Variants in ABLIM1 observed in about 807,000 individuals in gnomAD.
The protein encoded by ABLIM1 is actin binding LIM protein 1, also known as actin-binding LIM protein 1.
ABLIM1 carries 40 observed loss-of-function variants against 107.0 expected under a neutral mutation model. The ratio of observed to expected loss-of-function variants is 0.37; its 90% CI spans 0.29 to 0.49. The LOEUF (loss-of-function observed/expected upper bound fraction) is 0.49, where lower values mean the gene tolerates loss of function less well. Among genes scored for constraint, ABLIM1 ranks in the 20% least tolerant of loss-of-function variants. ABLIM1 has a pLI of 0.97. For missense variants in ABLIM1, 857 were observed against 1,008.5 expected (o/e 0.85, Z 2.04); for synonymous variants, 357 against 357.3 (o/e 1.00, Z 0.01).
intron 20 of ABLIM1, chr10:114,439,572 AT>A (rs1276009142): frequency 2.4e-6 from 1 of 422,466 alleles, no homozygotes; most frequent in Non-Finnish European, 4.3e-6. Flanking sequence ...TTTAATCATG[AT>A]TTTCTATGCA....
intron 2 of ABLIM1, among the ~76,000 whole-genome samples, chr10:114,589,219 T>G (rs1294846609): frequency 7.2e-4 from 104 of 145,032 alleles, no homozygotes; most frequent in Middle Eastern, 3.5e-3. Flanking sequence ...GTGTGTGTGT[T>G]TTTTTTTTTT....
intron 4 of ABLIM1, among the ~76,000 whole-genome samples, chr10:114,548,520 G>A (rs7900732): frequency 9.6e-4 from 146 of 152,278 alleles, no homozygotes; most frequent in African/African-American, 3.4e-3. Flanking sequence ...AATGTTATCA[G>A]CACCTGGTCT....
intron 8 of ABLIM1, among the ~76,000 whole-genome samples, chr10:114,475,316 C>T (rs2056162577): frequency 6.6e-6 from 1 of 152,222 alleles, no homozygotes; most frequent in South Asian, 2.1e-4. Context: ...ATCACCTCCT[C>T]AGAGAGGACC....
intron 14 of ABLIM1, among the ~76,000 whole-genome samples, chr10:114,448,449 G>A (rs1271829545): frequency 6.6e-6 from 1 of 152,110 alleles, no homozygotes. Context: ...AGTTCCAGTG[G>A]ACAACACTCT....
chr10:114,640,539 CCAA>C lies in ABLIM1; in HGVS notation c.244+17415_244+17417del, dbSNP rs147389561. On this transcript the variant is annotated intron_variant, in intron 1 of 22. Coordinates refer to ENST00000533213, the MANE Select transcript of ABLIM1 (RefSeq NM_002313.7). ...AAGACACCATCTCAAAACAAACAAA[CCAA>C]CAACAACAACAACAACAACAACAAA... is the stretch of plus-strand genomic sequence containing the variant. 2.0e-3 allele frequency among the ~76,000 whole-genome samples: 307 copies of C among 151,180 alleles called. 4 individuals are homozygous for C. Among genetic ancestry groups the C allele is most frequent in the South Asian group, 0.011 (52 of 4,758 alleles).
intron 6 of ABLIM1, among the ~76,000 whole-genome samples, chr10:114,500,810 T>C (rs1490301301): frequency 7.6e-6 from 1 of 130,958 alleles, no homozygotes; most frequent in East Asian, 2.4e-4. Context: ...CTACGTAGGA[T>C]TGTTATGAAA....
At chr10:114,733,734 T>C (rs1398986168) in intron 1 of ABLIM1, among the ~76,000 whole-genome samples, 1 of 152,226 alleles carries the variant, frequency 6.6e-6, no homozygotes, top group Non-Finnish European at 1.5e-5. Context: ...AGATACCACC[T>C]GTATCAGAAA....
intron 1 of ABLIM1, among the ~76,000 whole-genome samples, chr10:114,694,014 A>G (rs1253833172): frequency 6.6e-6 from 1 of 152,208 alleles, no homozygotes; most frequent in African/African-American, 2.4e-5. Context: ...GCAGAATAGT[A>G]GCAAAAGCCC....
intron 1 of ABLIM1, among the ~76,000 whole-genome samples, chr10:114,680,670 C>T (rs1265375930): frequency 2.0e-5 from 3 of 152,148 alleles, no homozygotes; most frequent in African/African-American, 4.8e-5. Flanking sequence ...AAGGATCCCC[C>T]GGGCCTTCCC....
At chr10:114,693,171 G>T (rs1422779584) in intron 1 of ABLIM1, among the ~76,000 whole-genome samples, 1 of 152,114 alleles carries the variant, frequency 6.6e-6, no homozygotes, top group Non-Finnish European at 1.5e-5. Flanking sequence ...GATCGGTGAG[G>T]GATGCAGCGC....
intron 2 of ABLIM1, among the ~76,000 whole-genome samples, chr10:114,599,415 T>C (rs1373080536): frequency 6.6e-6 from 1 of 152,218 alleles, no homozygotes; most frequent in Non-Finnish European, 1.5e-5. Context: ...AATACCGTGA[T>C]GTGTTGAACA....
intron 1 of ABLIM1, among the ~76,000 whole-genome samples, chr10:114,655,310 G>A (rs375441789): frequency 2.0e-5 from 3 of 152,082 alleles, no homozygotes; most frequent in Non-Finnish European, 4.4e-5. Flanking sequence ...GAACTCTCTC[G>A]GATACTGTTA....
At chr10:114,518,019 T>C (rs1288449005) in intron 6 of ABLIM1, among the ~76,000 whole-genome samples, 1 of 152,140 alleles carries the variant, frequency 6.6e-6, no homozygotes, top group Non-Finnish European at 1.5e-5. Context: ...GTAAAGGATT[T>C]TACCACTATG....
chr10:114,609,174 CACAG>C (rs1242784063), intron 1 of ABLIM1, among the ~76,000 whole-genome samples: 8 of 152,168 alleles, frequency 5.3e-5, no homozygotes, highest in Non-Finnish European at 8.8e-5. Context: ...GTGATGTGAT[CACAG>C]ACAGTCTGAC....
chr10:114,613,237 T>C (rs970967735), intron 1 of ABLIM1, among the ~76,000 whole-genome samples: 3 of 152,250 alleles, frequency 2.0e-5, no homozygotes, highest in Non-Finnish European at 4.4e-5. Flanking sequence ...ATTCTGCAGA[T>C]ACAGAAATTG....
At chr10:114,540,791 C>A (rs1023501907) in intron 6 of ABLIM1, among the ~76,000 whole-genome samples, 2 of 152,198 alleles carry the variant, frequency 1.3e-5, no homozygotes, top group African/African-American at 4.8e-5. Flanking sequence ...TAAAACCACA[C>A]AGGGTCTGCA....
chr10:114,446,633 TTTAAACTAC>T (rs2061063840), intron 15 of ABLIM1, among the ~76,000 whole-genome samples: 1 of 149,560 alleles, frequency 6.7e-6, no homozygotes, highest in African/African-American at 2.6e-5. Flanking sequence ...CTAAAAGAGC[TTTAAACTAC>T]TTAGTGATAA....
rs551513026 is a variant in ABLIM1, at chr10:114,561,873, A to C, written c.673+9424T>G. 1.4e-4 allele frequency among the ~76,000 whole-genome samples: 21 copies of C among 152,332 alleles called. 1 individual carries two copies. In the Middle Eastern group the frequency reaches 0.017, roughly 123 times the overall value. On this transcript the variant is annotated intron_variant, in intron 4 of 22. Transcript: ENST00000533213. Reference sequence around the variant, plus strand: ...TTGCACCCATTCCCTATAAAGCAGGAATTTTTCTTCCTTTCTTGAAACTTA... The same window carrying C: ...TTGCACCCATTCCCTATAAAGCAGGCATTTTTCTTCCTTTCTTGAAACTTA...
intron 1 of ABLIM1, among the ~76,000 whole-genome samples, chr10:114,721,422 G>A (rs2081844581): frequency 6.6e-6 from 1 of 152,170 alleles, no homozygotes; most frequent in Non-Finnish European, 1.5e-5. Flanking sequence ...AGACATATCA[G>A]TCTGGAGGGG....
Sources: allele counts gnomAD v4.1 joint callset (sites outside exome capture counted in the v4.1 genomes callset), GRCh38; gene constraint gnomAD v4.1.1; transcripts MANE v1.5; gene names NCBI Gene and HGNC (gene_info 2026-07-23, HGNC 2026-07-21).